Variants in CACNA2D1 observed in about 807,000 individuals in gnomAD.
The protein encoded by CACNA2D1 is calcium voltage-gated channel auxiliary subunit alpha2delta 1, also known as voltage-dependent calcium channel subunit alpha-2/delta-1.
CACNA2D1 carries 53 observed loss-of-function variants against 171.5 expected under a neutral mutation model. The observed-to-expected ratio is 0.31, with a 90% CI of 0.25 to 0.39. CACNA2D1 has a LOEUF of 0.39. CACNA2D1 is among the 10% of genes least tolerant of loss of function. The pLI, the probability that CACNA2D1 is intolerant of heterozygous loss-of-function variation, is 1.00. For missense variants in CACNA2D1, 903 were observed against 1,299.8 expected (o/e 0.69, Z 4.69); for synonymous variants, 442 against 443.1 (o/e 1.00, Z 0.03).
At chr7:82,111,368 A>G (rs917344176) in intron 6 of CACNA2D1, among the ~76,000 whole-genome samples, 2 of 129,446 alleles carry the variant, frequency 1.5e-5, no homozygotes, top group African/African-American at 2.7e-5. Context: ...ATATATGTAT[A>G]TATATATTCA....
At chr7:82,078,439 A>G (rs1045909387) in intron 7 of CACNA2D1, among the ~76,000 whole-genome samples, 1 of 152,204 alleles carries the variant, frequency 6.6e-6, no homozygotes, top group South Asian at 2.1e-4. Context: ...TTTATGATGC[A>G]TAAGAATTCA....
intron 38 of CACNA2D1, among the ~76,000 whole-genome samples, chr7:81,953,516 C>T (rs1446749975): frequency 6.6e-6 from 1 of 150,410 alleles, no homozygotes; most frequent in East Asian, 2.0e-4. Context: ...GTAGGGTAAA[C>T]AGATAAAAAA....
chr7:82,000,771 C>CTTTTTTTTTTTTTTTTTTTT (rs774565705), intron 18 of CACNA2D1, among the ~76,000 whole-genome samples: 3 of 51,958 alleles, frequency 5.8e-5, no homozygotes, highest in Admixed American at 3.2e-4. Context: ...ATTTTTCTTT[C>CTTTTTTTTTTTTTTTTTTTT]TTTTTTTTTT....
chr7:82,278,547 G>A (rs1809654507), intron 3 of CACNA2D1, among the ~76,000 whole-genome samples: 1 of 123,678 alleles, frequency 8.1e-6, no homozygotes, highest in Non-Finnish European at 1.6e-5. Flanking sequence ...GACAGAGTGA[G>A]ACTCTGTCTT....
chr7:82,078,386 A>T (rs1431637687), intron 7 of CACNA2D1, among the ~76,000 whole-genome samples: 1 of 152,206 alleles, frequency 6.6e-6, no homozygotes, highest in Non-Finnish European at 1.5e-5. Flanking sequence ...GTACAATTTC[A>T]GGAGATATTA....
intron 3 of CACNA2D1, among the ~76,000 whole-genome samples, chr7:82,215,346 T>G (rs1585120298): frequency 6.6e-6 from 1 of 152,314 alleles, no homozygotes; most frequent in South Asian, 2.1e-4. Flanking sequence ...GATTAAAGCC[T>G]TCTTCCTTGG....
At chr7:82,167,846 G>T (rs1437915782) in intron 4 of CACNA2D1, among the ~76,000 whole-genome samples, 1 of 152,090 alleles carries the variant, frequency 6.6e-6, no homozygotes, top group East Asian at 1.9e-4. Flanking sequence ...ATTAGGAACA[G>T]AATTTCTTCA....
intron 4 of CACNA2D1, among the ~76,000 whole-genome samples, chr7:82,142,169 G>A (rs258717): frequency 0.11 from 16,271 of 152,096 alleles, 1,098 homozygotes; most frequent in Middle Eastern, 0.24. Flanking sequence ...TAATTTAAGC[G>A]CCACCAGATG....
intron 19 of CACNA2D1, among the ~76,000 whole-genome samples, chr7:81,995,156 C>A (rs1797914593): frequency 6.6e-6 from 1 of 152,044 alleles, no homozygotes; most frequent in Non-Finnish European, 1.5e-5. Context: ...TAATAAAACA[C>A]CCTTAATGAA....
intron 3 of CACNA2D1, among the ~76,000 whole-genome samples, chr7:82,321,933 C>T (rs968828281): frequency 2.7e-5 from 4 of 150,672 alleles, no homozygotes; most frequent in Non-Finnish European, 5.9e-5. Flanking sequence ...GAGACCATCC[C>T]GGCTAAAACG....
intron 10 of CACNA2D1, among the ~76,000 whole-genome samples, chr7:82,052,649 T>A (rs945471960): frequency 6.6e-6 from 1 of 152,030 alleles, no homozygotes; most frequent in Non-Finnish European, 1.5e-5. Context: ...AAAGATTATA[T>A]ATAATGTGGT....
chr7:82,411,183 A>G (rs1827608325), intron 1 of CACNA2D1, among the ~76,000 whole-genome samples: 1 of 152,180 alleles, frequency 6.6e-6, no homozygotes, highest in Non-Finnish European at 1.5e-5. Context: ...GGCCATATTT[A>G]TTATAAATGT....
At chr7:82,402,705 C>CAAAAAAAAA (rs59290672) in intron 1 of CACNA2D1, among the ~76,000 whole-genome samples, 6 of 64,822 alleles carry the variant, frequency 9.3e-5, no homozygotes, top group Non-Finnish European at 8.3e-5. Flanking sequence ...GACTCTGTCT[C>CAAAAAAAAA]AAAAAAAAAA....
At chr7:82,330,930 T>C (rs1318009556) in intron 3 of CACNA2D1, among the ~76,000 whole-genome samples, 3 of 152,120 alleles carry the variant, frequency 2.0e-5, no homozygotes, top group African/African-American at 7.2e-5. Context: ...GCTCAAAGTA[T>C]AGTCTTTGTA....
chr7:82,103,698 A>C (rs528723340), intron 6 of CACNA2D1, among the ~76,000 whole-genome samples: 2 of 152,208 alleles, frequency 1.3e-5, no homozygotes, highest in East Asian at 3.9e-4. Context: ...GAATGCATAA[A>C]AATAGAAGTC....
intron 3 of CACNA2D1, among the ~76,000 whole-genome samples, chr7:82,185,660 T>C (rs192091232): frequency 1.1e-3 from 165 of 151,852 alleles, no homozygotes; most frequent in African/African-American, 3.7e-3. Flanking sequence ...TTTCGTGATA[T>C]CTATTATTAA....
chr7:82,250,619 T>A (rs1805522120), intron 3 of CACNA2D1, among the ~76,000 whole-genome samples: 1 of 152,158 alleles, frequency 6.6e-6, no homozygotes, highest in African/African-American at 2.4e-5. Flanking sequence ...ATTTTATGTG[T>A]TAGCTCTCAA....
intron 1 of CACNA2D1, among the ~76,000 whole-genome samples, chr7:82,442,816 G>A (rs1027352344): frequency 8.5e-5 from 13 of 152,188 alleles, no homozygotes; most frequent in Non-Finnish European, 1.8e-4. Flanking sequence ...GCCGCGGGGA[G>A]CCAGCACGCG....
chr7:82,167,205 A>T (rs1795545012), intron 4 of CACNA2D1, among the ~76,000 whole-genome samples: 1 of 152,142 alleles, frequency 6.6e-6, no homozygotes, highest in African/African-American at 2.4e-5. Context: ...ATAAAGTTTA[A>T]AAGAAGGACC....
Sources: allele counts gnomAD v4.1 joint callset (sites outside exome capture counted in the v4.1 genomes callset), GRCh38; gene constraint gnomAD v4.1.1; transcripts MANE v1.5; gene names NCBI Gene and HGNC (gene_info 2026-07-23, HGNC 2026-07-21).